ERBB4: variants seen among roughly 807,000 people sequenced by gnomAD.
The protein encoded by ERBB4 is receptor tyrosine-protein kinase erbB-4.
In ERBB4, 42 loss-of-function variants were observed where a neutral mutation model predicts 158.0. The ratio of observed to expected loss-of-function variants is 0.27; its 90% CI spans 0.21 to 0.34. ERBB4 has a LOEUF of 0.34. Among genes scored for constraint, ERBB4 ranks in the 10% least tolerant of loss-of-function variants. The pLI is 1.00. For synonymous variants in ERBB4, 583 were observed against 558.7 expected (o/e 1.04, Z -0.61); for missense variants, 1,333 against 1,624.1 (o/e 0.82, Z 3.08).
At chr2:211,815,437 A>G (rs1399073870) in intron 3 of ERBB4, among the ~76,000 whole-genome samples, 4 of 152,238 alleles carry the variant, frequency 2.6e-5, no homozygotes, top group Non-Finnish European at 5.9e-5. Context: ...TTCCCAAAAG[A>G]GTAAGGTAAA....
At chr2:211,889,950 G>A (rs1307832946) in intron 3 of ERBB4, among the ~76,000 whole-genome samples, 1 of 115,946 alleles carries the variant, frequency 8.6e-6, no homozygotes, top group Non-Finnish European at 1.7e-5. Flanking sequence ...GAAAGTGATG[G>A]GGAGAATGGA....
chr2:211,428,243 A>AAAATAT (rs1553530918), intron 22 of ERBB4, among the ~76,000 whole-genome samples, 165 bp downstream of exon 22: 2 of 147,724 alleles, frequency 1.4e-5, no homozygotes, highest in African/African-American at 5.0e-5. Flanking sequence ...AAAATAAAAT[A>AAAATAT]TTTTTTTTTC....
At position 211,383,620 on chromosome 2, in the gene ERBB4, C is replaced by A. The variant is rs777088560; in HGVS notation, c.3922G>T (p.Val1308Leu). Residue 1308 changes from valine (V) to leucine (L), a missense_variant, in exon 28 of 28, where the codon GTG becomes TTG. Val to Leu is a conservative substitution (Grantham distance 32). This residue lies in a region of ERBB4 where 84 missense variants were observed against 110.8 expected (regional missense o/e 0.76). Transcript: ENST00000342788. Reference protein sequence around the residue: ...PPPYRHRNTVV With the variant: ...PPPYRHRNTVL ...CTAAAAAACCACAACTGAGCTTACA[C>A]CACAGTATTCCGGTGTCTGTAAGGT... 1 of 1,612,492 alleles carries A rather than the reference C, an allele frequency of 6.2e-7. No individual in the cohort carries two copies. The highest frequency in any genetic ancestry group is 8.5e-7 in the Non-Finnish European group (1 of 1,179,702).
chr2:211,822,947 G>A (rs1456011173), intron 3 of ERBB4, among the ~76,000 whole-genome samples: 1 of 151,864 alleles, frequency 6.6e-6, no homozygotes, highest in Non-Finnish European at 1.5e-5. Context: ...TAGGCATCGT[G>A]GATTTCTGCT....
chr2:212,530,695 T>G (rs1480596373), intron 1 of ERBB4, among the ~76,000 whole-genome samples: 2 of 152,114 alleles, frequency 1.3e-5, no homozygotes, highest in African/African-American at 4.8e-5. Flanking sequence ...AGCACACGCA[T>G]TTTTTGAAAG....
At chr2:211,749,433 A>C (rs1172268517) in intron 5 of ERBB4, among the ~76,000 whole-genome samples, 2 of 152,208 alleles carry the variant, frequency 1.3e-5, no homozygotes, top group Non-Finnish European at 2.9e-5. Flanking sequence ...GGTATGCATA[A>C]ATTATTTTTG....
chr2:212,029,302 C>A lies in ERBB4; in HGVS notation c.235-81686G>T, dbSNP rs368060706. On this transcript the variant is annotated intron_variant, in intron 2 of 27. Transcript: ENST00000342788. ...TAAAGCTGTTTTCTTCTACCTCCAT[C>A]TTGCCCTTGAATTCTTTCCTGGGCA... Among the ~76,000 whole-genome samples the A allele has an allele frequency of 3.3e-5, 5 of 152,182 alleles. No individual in the cohort carries two copies. In the East Asian group the frequency reaches 7.8e-4, roughly 24 times the overall value.
chr2:211,870,799 G>A (rs2078325109), intron 3 of ERBB4, among the ~76,000 whole-genome samples: 1 of 152,084 alleles, frequency 6.6e-6, no homozygotes, highest in Non-Finnish European at 1.5e-5. Flanking sequence ...AGAGACATCA[G>A]TGAAAATCCC....
chr2:211,878,969 T>A (rs1282100011), intron 3 of ERBB4, among the ~76,000 whole-genome samples: 1 of 152,124 alleles, frequency 6.6e-6, no homozygotes, highest in Admixed American at 6.5e-5. Flanking sequence ...CTCTCCTAGG[T>A]GCTTTTACAT....
intron 2 of ERBB4, among the ~76,000 whole-genome samples, chr2:212,032,378 G>T (rs2076922914): frequency 6.6e-6 from 1 of 151,928 alleles, no homozygotes; most frequent in Non-Finnish European, 1.5e-5. Context: ...AATTAAATTG[G>T]CCACTAATAA....
intron 1 of ERBB4, among the ~76,000 whole-genome samples, chr2:212,500,487 T>C (rs1370997799): frequency 6.6e-6 from 1 of 152,140 alleles, no homozygotes; most frequent in Admixed American, 6.5e-5. Flanking sequence ...TATAGGGCTA[T>C]TCTTAAAGTG....
intron 2 of ERBB4, among the ~76,000 whole-genome samples, chr2:212,024,908 G>A (rs1467732318): frequency 6.6e-6 from 1 of 151,764 alleles, no homozygotes; most frequent in African/African-American, 2.4e-5. Flanking sequence ...CACATTCCAT[G>A]CTATCCTTTC....
At chr2:212,033,993 G>A (rs1163904459) in intron 2 of ERBB4, among the ~76,000 whole-genome samples, 1 of 151,814 alleles carries the variant, frequency 6.6e-6, no homozygotes, top group Non-Finnish European at 1.5e-5. Context: ...AACTACAGAA[G>A]AAAACACAAC....
chr2:211,920,553 G>T (rs2079831545), intron 3 of ERBB4, among the ~76,000 whole-genome samples: 1 of 151,798 alleles, frequency 6.6e-6, no homozygotes, highest in African/African-American at 2.4e-5. Flanking sequence ...GCATTAGTAG[G>T]TCACATTTCA....
chr2:211,454,981 C>A (rs540067765), intron 20 of ERBB4, among the ~76,000 whole-genome samples: 1 of 152,162 alleles, frequency 6.6e-6, no homozygotes, highest in African/African-American at 2.4e-5. Context: ...CCAAATGAAA[C>A]CCTTTAAAAA....
intron 1 of ERBB4, among the ~76,000 whole-genome samples, chr2:212,500,127 C>T (rs1278745928): frequency 6.6e-6 from 1 of 151,976 alleles, no homozygotes; most frequent in African/African-American, 2.4e-5. Context: ...TTCAAACTTA[C>T]TTTTTATTGA....
At chr2:212,044,839 T>G (rs1242515967) in intron 2 of ERBB4, among the ~76,000 whole-genome samples, 1 of 152,062 alleles carries the variant, frequency 6.6e-6, no homozygotes. Flanking sequence ...TGAAAAAATA[T>G]TTTCTTTCTT....
chr2:211,587,540 G>A lies in ERBB4; in HGVS notation c.2302-25452C>T, dbSNP rs142879279. Among the ~76,000 whole-genome samples the A allele has an allele frequency of 6.6e-3, 1,010 of 152,130 alleles. 8 individuals are homozygous for A. Among genetic ancestry groups the A allele is most frequent in the Middle Eastern group, 0.031 (9 of 294 alleles). ...ACCAGAAGCCAGAAGAGGCAAGGAA[G>A]GATCCTCCCCTAGAGACTTAGAGGG... On this transcript the variant is annotated intron_variant, in intron 19 of 27. Coordinates refer to ENST00000342788, the MANE Select transcript of ERBB4 (RefSeq NM_005235.3).
intron 3 of ERBB4, among the ~76,000 whole-genome samples, chr2:211,842,408 A>C (rs1442687427): frequency 1.4e-5 from 2 of 142,202 alleles, no homozygotes; most frequent in Non-Finnish European, 3.1e-5. Context: ...CAATTCATTC[A>C]AACTTGAGAT....
Sources: allele counts gnomAD v4.1 joint callset (sites outside exome capture counted in the v4.1 genomes callset), GRCh38; gene constraint gnomAD v4.1.1; regional missense constraint gnomAD v4.1.1; transcripts MANE v1.5; gene names NCBI Gene and HGNC (gene_info 2026-07-23, HGNC 2026-07-21).